The following SLC30A10 variants were observed in gnomAD, a reference collection of about 807,000 sequenced individuals.
SLC30A10 encodes calcium/manganese antiporter SLC30A10.
SLC30A10 carries 8 observed loss-of-function variants against 21.7 expected under a neutral mutation model. The ratio of observed to expected loss-of-function variants is 0.37; its 90% CI spans 0.22 to 0.67. SLC30A10 has a LOEUF of 0.67. Ranked by LOEUF, SLC30A10 falls within the 30% of genes least tolerant of loss-of-function variation. The pLI is 0.58. For missense variants in SLC30A10, 521 were observed against 642.5 expected (o/e 0.81, Z 2.04); for synonymous variants, 272 against 279.4 (o/e 0.97, Z 0.26).
rs541757557 is a variant in SLC30A10 at position 219,946,720 on chromosome 1, C to A, written n.80+11848G>T. Reference sequence around the variant, plus strand: ...CTCTGTTCCTGGGCCCACCCCTGCTCTTCCAGTTGTTGTGCTCTGCTTGTA... The same window carrying A: ...CTCTGTTCCTGGGCCCACCCCTGCTATTCCAGTTGTTGTGCTCTGCTTGTA... On this transcript the variant is annotated intron_variant and non_coding_transcript_variant, in intron 1 of 8. Transcript: ENST00000484239. Among the ~76,000 whole-genome samples, 61 of 152,202 alleles carry A rather than the reference C, an allele frequency of 4.0e-4. 2 individuals are homozygous for A. The South Asian group carries it at 0.012, about 31-fold the overall frequency.
At chr1:219,925,567 C>T (rs113033246) in intron 2 of SLC30A10, among the ~76,000 whole-genome samples, 1 of 145,900 alleles carries the variant, frequency 6.9e-6, no homozygotes, top group African/African-American at 2.6e-5. Context: ...CTTAACAGAA[C>T]AGGCTTTGAA....
chr1:219,949,094 A>C (rs1354306027), intron 1 of SLC30A10, among the ~76,000 whole-genome samples: 1 of 152,142 alleles, frequency 6.6e-6, no homozygotes, highest in South Asian at 2.1e-4. Context: ...GCAATCATTA[A>C]AAAGTCAGGA....
At chr1:219,957,612 T>C (rs749023471) in intron 1 of SLC30A10, among the ~76,000 whole-genome samples, 6 of 152,212 alleles carry the variant, frequency 3.9e-5, no homozygotes, top group Non-Finnish European at 8.8e-5. Context: ...CAGTCCTTAT[T>C]AACTCCATAT....
At chr1:219,933,853 A>G (rs1380876080) in intron 1 of SLC30A10, among the ~76,000 whole-genome samples, 1 of 152,144 alleles carries the variant, frequency 6.6e-6, no homozygotes, top group African/African-American at 2.4e-5. Context: ...AGTTTCTGCA[A>G]TTAGAAGAGA....
chr1:219,927,102 T>C lies in SLC30A10; in HGVS notation c.644A>G (p.Asp215Gly), dbSNP rs1009905494. 3 of 1,613,866 alleles carry C rather than the reference T, an allele frequency of 1.9e-6. No homozygotes were observed. The African/African-American group carries it at 4.0e-5, about 22-fold the overall frequency. Residue 215 changes from aspartate to glycine, a missense_variant, in exon 2 of 4, where the codon GAT becomes GGT. Transcript: ENST00000366926. ...GATVFANVAG[D>G]SFNTQNEPED... ...TGGCTCATTCTGGGTGTTGAAGGAA[T>C]CACCTGCATTCAAAGAAGAAACCTT...
At chr1:219,927,638 TAAAAAAAAAAAAAA>T (rs77015523) in intron 1 of SLC30A10, among the ~76,000 whole-genome samples, 149 bp downstream of exon 1, 3 of 53,420 alleles carry the variant, frequency 5.6e-5, no homozygotes, top group African/African-American at 1.7e-4. Flanking sequence ...ATGGATTTAT[TAAAAAAAAAAAAAA>T]AAAAAAAAAA....
Position 219,928,246 on chromosome 1 carries a change from G to A in SLC30A10, c.195C>T (p.Thr65=), listed in dbSNP as rs753608293. 3.8e-6 allele frequency: 6 copies of A among 1,579,066 alleles called. No homozygotes were observed. The highest frequency in any genetic ancestry group is 2.3e-5 in the East Asian group (1 of 43,248). ...LSAGYIARRP[T]RGFSATYGYA... ...AGCCGTAGGTGGCGCTGAAGCCCCG[G>A]GTGGGGCGCCGGGCGATGTAGCCGG... The change falls in exon 1 of 4, where the codon ACC becomes ACT. Residue 65 remains threonine (T), a synonymous_variant. Transcript: ENST00000366926. This position sits in a 1 kb window ranked among gnomAD's most constrained non-coding sequence, Gnocchi z 6.3.
At chr1:219,916,966 G>A (rs1180149890) in intron 3 of SLC30A10, among the ~76,000 whole-genome samples, 3 of 149,174 alleles carry the variant, frequency 2.0e-5, no homozygotes, top group Non-Finnish European at 3.0e-5. Context: ...CTATCTTGTG[G>A]GGTTTTTTTT....
chr1:219,925,649 ATATTTTT>A (rs1659800138), intron 2 of SLC30A10, among the ~76,000 whole-genome samples: 2 of 65,946 alleles, frequency 3.0e-5, no homozygotes, highest in Non-Finnish European at 5.0e-5. Context: ...ATATATATAT[ATATTTTT>A]TTTTTTTTTT....
Position 219,921,923 on chromosome 1 carries a change from G to C in SLC30A10, c.719-3429C>G, listed in dbSNP as rs200040750. ...TGTGTGTGAAAGAGAGAGAGAGACA[G>C]AGAGAGAGAGAGAGAGAGAGACCGA... is the stretch of plus-strand genomic sequence containing the variant. On this transcript the variant is annotated intron_variant, in intron 2 of 3. Coordinates refer to ENST00000366926, the MANE Select transcript of SLC30A10 (RefSeq NM_018713.3). 6.6e-4 allele frequency among the ~76,000 whole-genome samples: 47 copies of C among 71,202 alleles called. No individual in the cohort carries two copies. In the East Asian group the frequency reaches 0.026, roughly 39 times the overall value. 46.7% of individuals were successfully genotyped at this position (71,202 alleles called of 152,430 possible). A position where few individuals can be genotyped will look rare whatever the true frequency, so the allele number is the denominator to read the frequency against.
intron 3 of SLC30A10, among the ~76,000 whole-genome samples, chr1:219,916,361 T>G (rs1448661119): frequency 6.6e-6 from 1 of 152,218 alleles, no homozygotes; most frequent in Non-Finnish European, 1.5e-5. Context: ...ACCAAATATG[T>G]ATGTACAAGA....
chr1:219,944,803 C>T (rs1037307684), intron 1 of SLC30A10, among the ~76,000 whole-genome samples: 5 of 151,812 alleles, frequency 3.3e-5, no homozygotes, highest in Admixed American at 6.6e-5. Context: ...AGCCAGGAAA[C>T]GGAAAATAGA....
intron 1 of SLC30A10, among the ~76,000 whole-genome samples, chr1:219,927,423 A>C (rs1339196068): frequency 6.6e-6 from 1 of 152,054 alleles, no homozygotes; most frequent in Non-Finnish European, 1.5e-5. Flanking sequence ...AAATTCAGAC[A>C]GCAAGTAATG....
intron 1 of SLC30A10, among the ~76,000 whole-genome samples, chr1:219,941,666 C>T (rs1660124659): frequency 6.7e-6 from 1 of 149,244 alleles, no homozygotes; most frequent in African/African-American, 2.5e-5. Context: ...CCCTCCTTTC[C>T]TTCCTCCCTT....
At position 219,912,417 on chromosome 1, in the gene SLC30A10, T is replaced by C. The variant is rs1319229117; in HGVS notation, c.*3032A>G. ...GTATTTCCTATGGCCAATGCTAAAATAATGTGGAAAGGACTGTTTCTGTAG... is the reference window on the plus strand; with the variant it reads ...GTATTTCCTATGGCCAATGCTAAAACAATGTGGAAAGGACTGTTTCTGTAG... On this transcript the variant is annotated 3_prime_UTR_variant, in exon 4 of 4. Transcript: ENST00000366926. 6.6e-6 allele frequency among the ~76,000 whole-genome samples: 1 copy of C among 152,000 alleles called. No individual in the cohort carries two copies. The highest frequency in any genetic ancestry group is 1.5e-5 in the Non-Finnish European group (1 of 68,000).
intron 1 of SLC30A10, among the ~76,000 whole-genome samples, chr1:219,946,493 C>T (rs1660187592): frequency 6.6e-6 from 1 of 152,102 alleles, no homozygotes; most frequent in Admixed American, 6.6e-5. Context: ...GGGGAGACTG[C>T]CATTCCTCTT....
Position 219,927,935 on chromosome 1 carries a change from C to T in SLC30A10, c.506G>A (p.Gly169Glu). Residue 169 changes from glycine (G) to glutamate (E), a missense_variant, in exon 1 of 4, where the codon GGG becomes GAG. Coordinates refer to ENST00000366926, the MANE Select transcript of SLC30A10 (RefSeq NM_018713.3). Reference protein sequence around the residue: ...AEGCVPGAFGGPQGAEDPRRA... With the variant: ...AEGCVPGAFGEPQGAEDPRRA... Reference sequence around the variant, plus strand: ...CCGCGGGTCCTCCGCGCCCTGAGGCCCCCCGAAAGCGCCGGGGACACAGCC... The same window carrying T: ...CCGCGGGTCCTCCGCGCCCTGAGGCTCCCCGAAAGCGCCGGGGACACAGCC... 6.5e-7 allele frequency: 1 copy of T among 1,537,876 alleles called. No homozygotes were observed. The highest frequency in any genetic ancestry group is 8.8e-7 in the Non-Finnish European group (1 of 1,142,068).
At chr1:219,926,920 C>A (rs1659839415) in intron 2 of SLC30A10, 108 bp downstream of exon 2, 2 of 813,880 alleles carry the variant, frequency 2.5e-6, no homozygotes, top group Non-Finnish European at 4.1e-6. Context: ...ATGTAACTGG[C>A]CTACTTTCAA....
chr1:219,924,449 A>G (rs567724494), intron 2 of SLC30A10, among the ~76,000 whole-genome samples: 5 of 152,160 alleles, frequency 3.3e-5, no homozygotes, highest in East Asian at 1.9e-4. Context: ...TTGAAGTCCA[A>G]TTTCCCTAAG....
Sources: allele counts gnomAD v4.1 joint callset (sites outside exome capture counted in the v4.1 genomes callset), GRCh38; gene constraint gnomAD v4.1.1; non-coding constraint Gnocchi (gnomAD v3.1); transcripts MANE v1.5; gene names NCBI Gene and HGNC (gene_info 2026-07-23, HGNC 2026-07-21).